CNGB3: variants seen among roughly 807,000 people sequenced by gnomAD.
CNGB3 encodes the protein cyclic nucleotide-gated channel beta-3.
Under a neutral mutation model 92.8 loss-of-function variants are expected in CNGB3, and 86 were observed. The observed-to-expected ratio is 0.93, with a 90% confidence interval of 0.78 to 1.11. The LOEUF (loss-of-function observed/expected upper bound fraction) is 1.11, where lower values mean the gene tolerates loss of function less well. Among genes scored for constraint, CNGB3 ranks in the 50% least tolerant of loss-of-function variants. The pLI is 0.00. For missense variants in CNGB3, 1,026 were observed against 956.8 expected, an observed-to-expected ratio of 1.07 and a Z score of -0.95; for synonymous variants, 333 against 332.7, an observed-to-expected ratio of 1.00 and a Z score of -0.01.
rs922565153 is a variant in CNGB3, at chr8:86,684,574, C to T, written c.339-13476G>A. Among the ~76,000 whole-genome samples the T allele has an allele frequency of 4.6e-5, 7 of 151,756 alleles. No individual in the cohort carries two copies. The East Asian group carries it at 1.2e-3, about 25-fold the overall frequency. ...ATATTCATAGATTTATTTGTAATAG[C>T]CCCAAACTGGAAGTAACCTGGATGT... On this transcript the variant is annotated intron_variant, in intron 3 of 17. Coordinates refer to ENST00000320005, the MANE Select transcript of CNGB3 (RefSeq NM_019098.5).
intron 3 of CNGB3, among the ~76,000 whole-genome samples, chr8:86,679,540 T>C (rs1243220010): frequency 6.6e-6 from 1 of 152,054 alleles, no homozygotes; most frequent in East Asian, 1.9e-4. Flanking sequence ...TTTTCTTTTT[T>C]TTTGAAAAGG....
chr8:86,592,185 C>T (rs2131547701), intron 15 of CNGB3, among the ~76,000 whole-genome samples: 1 of 152,308 alleles, frequency 6.6e-6, no homozygotes, highest in Non-Finnish European at 1.5e-5. Flanking sequence ...GGCAATGCCT[C>T]GCCCTGCTTT....
intron 6 of CNGB3, 120 bp from the exon 7 acceptor site, chr8:86,654,182 C>A: frequency 1.4e-6 from 1 of 720,874 alleles, no homozygotes; most frequent in Non-Finnish European, 2.5e-6. Context: ...AATAAACATC[C>A]TCCATATTCC....
rs189661837 is a variant in CNGB3 at position 86,634,200 on chromosome 8, C to G, written c.1179-1307G>C. ...AAAGCAATATCCATTCAGTAGAAAC[C>G]ATACTTTGCATACTCATACAACCAT... On this transcript the variant is annotated intron_variant, in intron 10 of 17. Coordinates refer to ENST00000320005, the MANE Select transcript of CNGB3 (RefSeq NM_019098.5). Among the ~76,000 whole-genome samples the G allele has an allele frequency of 3.3e-5, 5 of 152,236 alleles. No individual in the cohort carries two copies. The East Asian group carries it at 9.7e-4, about 29-fold the overall frequency.
chr8:86,602,303 C>T (rs1437538029), intron 15 of CNGB3, among the ~76,000 whole-genome samples: 3 of 151,884 alleles, frequency 2.0e-5, no homozygotes, highest in Admixed American at 6.6e-5. Flanking sequence ...AATAATCAGT[C>T]GTTAAACAAG....
intron 2 of CNGB3, among the ~76,000 whole-genome samples, chr8:86,732,122 A>C (rs2131676762): frequency 6.6e-6 from 1 of 152,340 alleles, no homozygotes; most frequent in South Asian, 2.1e-4. Flanking sequence ...GGTCTCTTAA[A>C]TTTTTAGCTT....
intron 2 of CNGB3, among the ~76,000 whole-genome samples, chr8:86,734,425 A>T (rs1401839956): frequency 6.6e-6 from 1 of 152,106 alleles, no homozygotes; most frequent in Non-Finnish European, 1.5e-5. Context: ...TGGGATGGAG[A>T]TTATGAGTAA....
intron 10 of CNGB3, among the ~76,000 whole-genome samples, chr8:86,638,632 T>A (rs1466176930): frequency 6.6e-6 from 1 of 152,074 alleles, no homozygotes; most frequent in Non-Finnish European, 1.5e-5. Flanking sequence ...ATGGGCCTAG[T>A]AGCACACAAT....
chr8:86,643,852 G>A lies in CNGB3; in HGVS notation c.1077C>T (p.Tyr359=), dbSNP rs2131594327. Reference sequence around the variant, plus strand: ...CATTAATGTGCAGAATAAACAGCAAGTATCCAGTTGTTCGAATAACTCTGT... The same window carrying A: ...CATTAATGTGCAGAATAAACAGCAAATATCCAGTTGTTCGAATAACTCTGT... ...YIYRVIRTTG[Y]LLFILHINAC... is the part of the protein sequence containing the mutation. Residue 359 remains tyrosine, a synonymous_variant, in exon 10 of 18, where the codon TAC becomes TAT. Coordinates refer to ENST00000320005, the MANE Select transcript of CNGB3 (RefSeq NM_019098.5). 1 of 1,606,566 alleles carries A rather than the reference G, an allele frequency of 6.2e-7. No homozygotes were observed. Among genetic ancestry groups the A allele is most frequent in the Non-Finnish European group, 8.5e-7 (1 of 1,175,024 alleles).
chr8:86,695,550 T>G (rs1381399161), intron 3 of CNGB3, among the ~76,000 whole-genome samples: 1 of 152,114 alleles, frequency 6.6e-6, no homozygotes, highest in Non-Finnish European at 1.5e-5. Context: ...TTCTATGGAA[T>G]TTTTCATTCA....
chr8:86,695,861 C>T (rs1824439507), intron 3 of CNGB3, among the ~76,000 whole-genome samples: 1 of 152,120 alleles, frequency 6.6e-6, no homozygotes, highest in African/African-American at 2.4e-5. Flanking sequence ...GTGCTCTCCC[C>T]CTTCTCTTCG....
At chr8:86,625,386 A>C (rs1270950290) in intron 13 of CNGB3, among the ~76,000 whole-genome samples, 2 of 152,182 alleles carry the variant, frequency 1.3e-5, no homozygotes, top group Admixed American at 1.3e-4. Flanking sequence ...GAGTCGGTGA[A>C]TGCTATACCC....
chr8:86,665,103 C>A (rs78764491), intron 6 of CNGB3, among the ~76,000 whole-genome samples: 3 of 152,016 alleles, frequency 2.0e-5, no homozygotes, highest in African/African-American at 7.2e-5. Flanking sequence ...TTGGACAGTG[C>A]GGTGAATCTA....
intron 7 of CNGB3, among the ~76,000 whole-genome samples, chr8:86,648,454 G>C (rs1008077098): frequency 1.3e-5 from 2 of 151,166 alleles, no homozygotes; most frequent in African/African-American, 4.8e-5. Flanking sequence ...TGAGAGAGGA[G>C]AGCAAAGAAA....
intron 15 of CNGB3, among the ~76,000 whole-genome samples, chr8:86,602,096 G>A (rs1338114441): frequency 6.6e-6 from 1 of 152,168 alleles, no homozygotes; most frequent in Non-Finnish European, 1.5e-5. Context: ...TTTCTGCAGT[G>A]TTTCAGATTA....
intron 10 of CNGB3, among the ~76,000 whole-genome samples, chr8:86,633,616 G>T (rs1823006146): frequency 6.6e-6 from 1 of 152,120 alleles, no homozygotes; most frequent in East Asian, 1.9e-4. Flanking sequence ...CATTGTATTT[G>T]TCAGTCAAGT....
rs928164157 is a variant in CNGB3, at chr8:86,648,033, G to A, written c.904-146C>T. ...AAACTGCTTTCAATTAACTATGCAT[G>A]GGGCTTTTTAAGGCGTATTAGCACC... On this transcript the variant is annotated intron_variant, in intron 7 of 17. Coordinates refer to ENST00000320005, the MANE Select transcript of CNGB3 (RefSeq NM_019098.5). The A allele has an allele frequency of 1.4e-5, 10 of 693,618 alleles. No homozygotes were observed. In the Admixed American group the frequency reaches 1.6e-4, roughly 11 times the overall value. The allele number at this position is 693,618 out of a possible 1,614,324, so 43.0% of individuals were successfully genotyped here. A position where few individuals can be genotyped will look rare whatever the true frequency, so the allele number is the denominator to read the frequency against.
chr8:86,718,799 C>A (rs911291822), intron 3 of CNGB3, among the ~76,000 whole-genome samples: 1 of 136,762 alleles, frequency 7.3e-6, no homozygotes, highest in Non-Finnish European at 1.6e-5. Flanking sequence ...AAACCTAACA[C>A]CATATCAAAA....
At chr8:86,614,234 C>A (rs189835436) in intron 13 of CNGB3, among the ~76,000 whole-genome samples, 1 of 152,158 alleles carries the variant, frequency 6.6e-6, no homozygotes, top group African/African-American at 2.4e-5. Context: ...TGGTGACCAC[C>A]GCTCTATGGT....
Sources: allele counts gnomAD v4.1 joint callset (sites outside exome capture counted in the v4.1 genomes callset), GRCh38; gene constraint gnomAD v4.1.1; transcripts MANE v1.5; gene names NCBI Gene and HGNC (gene_info 2026-07-23, HGNC 2026-07-21).